TP53I13: variants seen among roughly 807,000 people sequenced by gnomAD.
The protein encoded by TP53I13 is tumor protein p53 inducible protein 13.
Under a neutral mutation model 39.1 loss-of-function variants are expected in TP53I13, and 27 were observed. The ratio of observed to expected loss-of-function variants is 0.69; its 90% CI spans 0.51 to 0.95. TP53I13 has a LOEUF of 0.95. TP53I13 is among the 40% of genes least tolerant of loss of function. The pLI, the probability that TP53I13 is intolerant of heterozygous loss-of-function variation, is 0.00. For synonymous variants in TP53I13, 230 were observed against 224.6 expected (o/e 1.02, Z -0.22); for missense variants, 544 against 520.4 (o/e 1.05, Z -0.44).
rs201033719 is a variant in TP53I13, at chr17:29,568,809, G to T, written c.51G>T (p.Ala17=). The change falls in exon 1 of 7, where the codon GCG becomes GCT. Residue 17 remains alanine (A), a synonymous_variant. Coordinates refer to ENST00000301057, the MANE Select transcript of TP53I13 (RefSeq NM_138349.4). This position sits in a 1 kb window ranked among gnomAD's most constrained non-coding sequence, Gnocchi z 4.5. ...SPQLLLLAAL[A]RLLGPSEVMA... ...AACTGCTTCTCCTGGCAGCCCTCGC[G>T]AGGCTCCTGGGTCCCAGCGAGGTAA... 1.1e-5 allele frequency: 17 copies of T among 1,598,832 alleles called. No homozygotes were observed. The highest frequency in any genetic ancestry group is 1.4e-5 in the Non-Finnish European group (17 of 1,179,270).
chr17:29,572,514 C>G lies in TP53I13; in HGVS notation c.886C>G (p.Pro296Ala). ...QASPAPRAAA[P>A]PRAARGPTPR... ...TTCCCCGGCCCCTCGCGCAGCAGCG[C>G]CTCCACGGGCAGCCCGGGGCCCCAC... is the stretch of plus-strand genomic sequence containing the variant. The change falls in exon 6 of 7, where the codon CCT (proline) becomes GCT (alanine). Residue 296 changes from proline (P) to alanine (A), a missense_variant. Pro to Ala is a conservative substitution (Grantham distance 27, BLOSUM62 -1). Coordinates refer to ENST00000301057, the MANE Select transcript of TP53I13 (RefSeq NM_138349.4). 6.2e-7 allele frequency: 1 copy of G among 1,607,368 alleles called. No individual in the cohort carries two copies. The highest frequency in any genetic ancestry group is 1.3e-5 in the African/African-American group (1 of 74,892).
Position 29,572,497 on chromosome 17 carries a change from C to T in TP53I13, c.869C>T (p.Ala290Val), listed in dbSNP as rs1052158200. The change falls in exon 6 of 7, where the codon GCC (alanine) becomes GTC (valine). Residue 290 changes from alanine (A) to valine (V), a missense_variant. Physicochemically the swap from Ala to Val is moderately conservative, Grantham distance 64 (BLOSUM62 0). Transcript: ENST00000301057. ...GTCTGTTCAAGTCAGGCTTCCCCGG[C>T]CCCTCGCGCAGCAGCGCCTCCACGG... ...GCVCSSQASP[A>V]PRAAAPPRAA... 1.0e-5 allele frequency: 16 copies of T among 1,603,026 alleles called. No homozygotes were observed. The highest frequency in any genetic ancestry group is 1.3e-5 in the Non-Finnish European group (15 of 1,174,904).
rs377674843 is a variant in TP53I13 at position 29,572,612 on chromosome 17, G to A, written c.984G>A (p.Thr328=). The A allele has an allele frequency of 1.3e-6, 2 of 1,590,978 alleles. No homozygotes were observed. Among genetic ancestry groups the A allele is most frequent in the East Asian group, 4.6e-5 (2 of 43,260 alleles). The change falls in exon 6 of 7, where the codon ACG becomes ACA. Residue 328 remains threonine, a synonymous_variant. Transcript: ENST00000301057. ...TFLLVLLTLA[T]LCTRLHRNFR... Reference sequence around the variant, plus strand: ...TGCTGGTGCTGCTCACCCTGGCCACGCTCTGCACACGGCTGCACAGAAACT... The same window carrying A: ...TGCTGGTGCTGCTCACCCTGGCCACACTCTGCACACGGCTGCACAGAAACT...
upstream of TP53I13, chr17:29,568,082 C>G (rs993194545): frequency 6.6e-6 from 1 of 152,148 alleles, no homozygotes; most frequent in African/African-American, 2.4e-5. The surrounding 1 kb of genome is among the most constrained non-coding windows in gnomAD (Gnocchi z 4.5). Context: ...AGCAGCCTCT[C>G]GGCTAGCTCC....
chr17:29,577,071 A>G, downstream of TP53I13: 5 of 1,605,528 alleles, frequency 3.1e-6, no homozygotes, highest in Non-Finnish European at 4.3e-6. Context: ...TGGCAGGGAG[A>G]GCCATGCAGG....
downstream of TP53I13, chr17:29,575,148 G>C (rs377279123): frequency 6.3e-7 from 1 of 1,593,684 alleles, no homozygotes; most frequent in East Asian, 2.2e-5. The surrounding 1 kb of genome is among the most constrained non-coding windows in gnomAD (Gnocchi z 5.5). Flanking sequence ...CGAAGCTGCG[G>C]GGAGAAGGGA....
Position 29,572,285 on chromosome 17 carries a change from C to T in TP53I13, c.657C>T (p.Ala219=). 1.9e-6 allele frequency: 3 copies of T among 1,612,912 alleles called. No homozygotes were observed. Among genetic ancestry groups the T allele is most frequent in the Non-Finnish European group, 2.5e-6 (3 of 1,179,976 alleles). The change falls in exon 6 of 7, where the codon GCC becomes GCT. Residue 219 remains alanine, a synonymous_variant. Coordinates refer to ENST00000301057, the MANE Select transcript of TP53I13 (RefSeq NM_138349.4). ...TTGGTCCCCAGCCCACTCGCTCAGC[C>T]CTGAGGTTTCCCTCTGCTTCCCCAG... ...AALGPQPTRS[A]LRFPSASPGS... is the part of the protein sequence containing the mutation.
downstream of TP53I13, chr17:29,574,171 C>A (rs2033096848): frequency 6.6e-6 from 1 of 152,560 alleles, no homozygotes; most frequent in Admixed American, 6.5e-5. Context: ...GCTGGGGACC[C>A]CAGCACACAG....
chr17:29,575,924 G>A (rs780548429), downstream of TP53I13: 32 of 1,582,546 alleles, frequency 2.0e-5, no homozygotes, highest in Admixed American at 5.6e-4. The surrounding 1 kb of genome is among the most constrained non-coding windows in gnomAD (Gnocchi z 5.5). Context: ...GCGCTGGATG[G>A]AGTCAGTGTG....
the TP53I13 span, chr17:29,581,234 G>A: frequency 1.2e-6 from 1 of 819,318 alleles, no homozygotes; most frequent in Non-Finnish European, 2.1e-6. The surrounding 1 kb of genome is among the most constrained non-coding windows in gnomAD (Gnocchi z 4.8). Flanking sequence ...TGGGGGGAGG[G>A]AGCAGGGTCC....
chr17:29,568,944 G>T lies in TP53I13; in HGVS notation c.73-74G>T, dbSNP rs1598549294. On this transcript the variant is annotated intron_variant, in intron 1 of 6. Coordinates refer to ENST00000301057, the MANE Select transcript of TP53I13 (RefSeq NM_138349.4). This position sits in a 1 kb window ranked among gnomAD's most constrained non-coding sequence, Gnocchi z 4.5. ...GGGGACGCGGAGTTCTTCCGCTGGC[G>T]GGCTGGGCCTGGGGAGAGAGAGGGC... is the stretch of plus-strand genomic sequence containing the variant. 3 of 1,594,496 alleles carry T rather than the reference G, an allele frequency of 1.9e-6. 1 individual carries two copies. The African/African-American group carries it at 4.0e-5, about 21-fold the overall frequency.
At chr17:29,576,269 C>A (rs1037614240), downstream of TP53I13, 6 of 1,610,118 alleles carry the variant, frequency 3.7e-6, no homozygotes, top group Non-Finnish European at 5.1e-6. Context: ...CCCAGGGGGG[C>A]CCCCAAAGGG....
intron 3 of TP53I13, among the ~76,000 whole-genome samples, chr17:29,570,282 T>C (rs902796252): frequency 1.4e-5 from 2 of 145,494 alleles, no homozygotes; most frequent in Middle Eastern, 3.5e-3. Context: ...CTGAGGCGGG[T>C]GGAACACCTG....
chr17:29,572,935 C>A lies in TP53I13; in HGVS notation c.*11C>A. ...GAGAGCTCGGAGTGACGGCCTGGGACCTGCCACTGTGGCGTGCGGCTCCTC... is the reference window on the plus strand; with the variant it reads ...GAGAGCTCGGAGTGACGGCCTGGGAACTGCCACTGTGGCGTGCGGCTCCTC... On this transcript the variant is annotated 3_prime_UTR_variant, in exon 7 of 7. Transcript: ENST00000301057. 7 of 1,458,182 alleles carry A rather than the reference C, an allele frequency of 4.8e-6. No homozygotes were observed. Among genetic ancestry groups the A allele is most frequent in the East Asian group, 2.8e-5 (1 of 36,152 alleles). The allele number at this position is 1,458,182 out of a possible 1,614,324, so 90.3% of individuals were successfully genotyped here. A position where few individuals can be genotyped will look rare whatever the true frequency, so the allele number is the denominator to read the frequency against.
the TP53I13 span, chr17:29,582,107 G>A: frequency 6.3e-7 from 1 of 1,599,092 alleles, no homozygotes; most frequent in Non-Finnish European, 8.5e-7. Context: ...GCGCAGACAT[G>A]TCTCCAGGTT....
upstream of TP53I13, chr17:29,568,671 G>GGGGGCGCA: frequency 1.1e-6 from 1 of 913,292 alleles, no homozygotes; most frequent in South Asian, 4.8e-5. The surrounding 1 kb of genome is among the most constrained non-coding windows in gnomAD (Gnocchi z 4.5). Flanking sequence ...CGGGCGGCGC[G>GGGGGCGCA]GGGGCGCTGG....
At chr17:29,578,513 G>A in the TP53I13 span, 5 of 875,564 alleles carry the variant, frequency 5.7e-6, no homozygotes, top group Non-Finnish European at 5.8e-6. Context: ...ATGGGAAAGT[G>A]GAAAGGGATC....
At chr17:29,581,562 C>T in the TP53I13 span, 19 of 701,194 alleles carry the variant, frequency 2.7e-5, no homozygotes, top group Non-Finnish European at 4.8e-5. This position sits in a 1 kb window ranked among gnomAD's most constrained non-coding sequence, Gnocchi z 4.8. Context: ...ACCCCCACTC[C>T]CTAGCCCCAG....
At chr17:29,579,070 A>G in the TP53I13 span, 1 of 1,277,490 alleles carries the variant, frequency 7.8e-7, no homozygotes, top group Non-Finnish European at 1.1e-6. Flanking sequence ...ACGCCTTTTC[A>G]CATCAGGCCC....
Sources: allele counts gnomAD v4.1 joint callset (sites outside exome capture counted in the v4.1 genomes callset), GRCh38; gene constraint gnomAD v4.1.1; non-coding constraint Gnocchi (gnomAD v3.1); transcripts MANE v1.5; gene names NCBI Gene and HGNC (gene_info 2026-07-23, HGNC 2026-07-21).